Variants in MED13L observed in about 807,000 individuals in gnomAD.
MED13L encodes mediator of RNA polymerase II transcription subunit 13-like.
MED13L carries 7 observed loss-of-function variants against 220.9 expected under a neutral mutation model. That is an observed-to-expected ratio of 0.03 (90% CI 0.02 to 0.06). The LOEUF is 0.06. MED13L is among the 10% of genes least tolerant of loss of function. The probability of loss-of-function intolerance (pLI) is 1.00; values close to 1 mark genes in which losing one functional copy is unlikely to be tolerated. For missense variants in MED13L, 1,965 were observed against 2,760.5 expected, an observed-to-expected ratio of 0.71 and a Z score of 6.46; for synonymous variants, 1,011 against 1,015.2, an observed-to-expected ratio of 1.00 and a Z score of 0.08.
chr12:115,994,917 A>G (rs914445380), intron 16 of MED13L, among the ~76,000 whole-genome samples: 3 of 152,208 alleles, frequency 2.0e-5, no homozygotes, highest in Non-Finnish European at 4.4e-5. Context: ...AGCATTGTGG[A>G]AGTCCTGTGC....
Position 115,982,424 on chromosome 12 carries a change from T to G in MED13L, c.5135A>C (p.Asp1712Ala). 6.2e-7 allele frequency: 1 copy of G among 1,614,048 alleles called. No individual in the cohort carries two copies. Among genetic ancestry groups the G allele is most frequent in the East Asian group, 2.2e-5 (1 of 44,896 alleles). Residue 1712 changes from aspartate to alanine, a missense_variant, in exon 22 of 31, where the codon GAT becomes GCT. By Grantham distance (126) the Asp-to-Ala change is moderately radical. Around this residue, in one of 10 missense-constraint regions of MED13L, gnomAD observed 510 missense variants for 620.4 expected, o/e 0.82. Coordinates refer to ENST00000281928, the MANE Select transcript of MED13L (RefSeq NM_015335.5). The stretch of plus-strand genomic sequence containing the variant: ...ATTTCTCATATGCTCAGGTAAATTA[T>G]CCAGCATTTCTGTGTAGCAGCGCAT... ...SLMRCYTEML[D>A]NLPEHMRNSF...
intron 1 of MED13L, among the ~76,000 whole-genome samples, chr12:116,249,889 G>A (rs986132147): frequency 6.6e-6 from 1 of 150,898 alleles, no homozygotes; most frequent in Admixed American, 6.6e-5. Flanking sequence ...TAACATACAC[G>A]CCATTAACGT....
intron 2 of MED13L, among the ~76,000 whole-genome samples, chr12:116,189,681 T>C (rs553353966): frequency 3.3e-5 from 5 of 152,294 alleles, no homozygotes; most frequent in South Asian, 2.1e-4. Context: ...TCAGGAGACA[T>C]TGTTTGGACT....
intron 2 of MED13L, among the ~76,000 whole-genome samples, chr12:116,140,582 G>A (rs188393002): frequency 5.9e-5 from 9 of 152,244 alleles, no homozygotes; most frequent in Admixed American, 3.9e-4. Flanking sequence ...AGCAGCTACC[G>A]GGAAAGGAAC....
At chr12:116,229,015 G>C (rs915179332) in intron 2 of MED13L, among the ~76,000 whole-genome samples, 1 of 151,678 alleles carries the variant, frequency 6.6e-6, no homozygotes. Flanking sequence ...GGGCTCAAGC[G>C]ATCCTCCCTC....
intron 2 of MED13L, among the ~76,000 whole-genome samples, chr12:116,232,861 C>A (rs558519075): frequency 6.6e-6 from 1 of 152,110 alleles, no homozygotes; most frequent in East Asian, 1.9e-4. Flanking sequence ...CCGAGGCGGG[C>A]GGATCGATTG....
intron 1 of MED13L, among the ~76,000 whole-genome samples, chr12:116,253,387 T>C (rs187881101): frequency 1.6e-4 from 23 of 147,872 alleles, no homozygotes; most frequent in African/African-American, 5.3e-4. Context: ...AAGGAAAAAA[T>C]ATCACTAGTC....
chr12:116,023,357 G>A (rs930898432), intron 4 of MED13L, among the ~76,000 whole-genome samples: 3 of 152,126 alleles, frequency 2.0e-5, no homozygotes, highest in African/African-American at 7.2e-5. Flanking sequence ...TTTCAAAATT[G>A]TAACTTTGGC....
chr12:116,006,018 C>CTA, intron 12 of MED13L, 25 bp from the exon 13 acceptor site: 1 of 1,613,498 alleles, frequency 6.2e-7, no homozygotes, highest in East Asian at 2.2e-5. Flanking sequence ...GCAAAAGACA[C>CTA]AGAATAAACA....
At chr12:116,132,563 C>T (rs1876162934) in intron 2 of MED13L, among the ~76,000 whole-genome samples, 1 of 151,972 alleles carries the variant, frequency 6.6e-6, no homozygotes, top group African/African-American at 2.4e-5. Context: ...CTCTTTTCTA[C>T]TTGCTTTTTT....
chr12:116,158,411 A>G (rs1878604336), intron 2 of MED13L, among the ~76,000 whole-genome samples: 1 of 152,174 alleles, frequency 6.6e-6, no homozygotes, highest in African/African-American at 2.4e-5. Flanking sequence ...TCAGAAATCC[A>G]ACTATTTAAA....
intron 2 of MED13L, among the ~76,000 whole-genome samples, chr12:116,112,698 C>G (rs1183646522): frequency 2.0e-5 from 3 of 152,164 alleles, no homozygotes; most frequent in African/African-American, 7.2e-5. Context: ...AACAGAAAAA[C>G]ATTCCTGCTA....
chr12:116,121,593 T>A (rs564628085), intron 2 of MED13L, among the ~76,000 whole-genome samples: 1 of 152,164 alleles, frequency 6.6e-6, no homozygotes, highest in Non-Finnish European at 1.5e-5. Context: ...TTCAAGCTCA[T>A]GCTTTTAGAA....
rs1410410732 is a variant in MED13L at position 115,959,151 on chromosome 12, G to T, written c.*2115C>A. 6.6e-6 allele frequency: 1 copy of T among 152,474 alleles called. No homozygotes were observed. The highest frequency in any genetic ancestry group is 1.5e-5 in the Non-Finnish European group (1 of 68,006). 9.4% of individuals were successfully genotyped at this position (152,474 alleles called of 1,614,324 possible). A position where few individuals can be genotyped will look rare whatever the true frequency, so the allele number is the denominator to read the frequency against. On this transcript the variant is annotated 3_prime_UTR_variant, in exon 31 of 31. Transcript: ENST00000281928. ...TTTTTCACACAGAAGTACATAATAA[G>T]ATTTTTTAAAATCTATTGCCATTCA... is the stretch of plus-strand genomic sequence containing the variant.
At chr12:116,206,621 CT>C (rs911708742) in intron 2 of MED13L, among the ~76,000 whole-genome samples, 8 of 150,438 alleles carry the variant, frequency 5.3e-5, no homozygotes, top group African/African-American at 1.5e-4. Context: ...AGCAAGTAGC[CT>C]TTTTTTTTCA....
chr12:115,962,742 AAC>A (rs1468665365), intron 30 of MED13L: 3 of 155,372 alleles, frequency 1.9e-5, no homozygotes, highest in African/African-American at 7.2e-5. Context: ...TTTTTAAAAA[AAC>A]ACATAATCGG....
chr12:115,983,160 G>C lies in MED13L; in HGVS notation c.4912C>G (p.Pro1638Ala). The C allele has an allele frequency of 6.2e-7, 1 of 1,614,026 alleles. No individual in the cohort carries two copies. Among genetic ancestry groups the C allele is most frequent in the East Asian group, 2.2e-5 (1 of 44,874 alleles). The change falls in exon 21 of 31, where the codon CCT becomes GCT. Residue 1638 changes from proline (P) to alanine (A), a missense_variant. Around this residue, in one of 10 missense-constraint regions of MED13L, gnomAD observed 510 missense variants for 620.4 expected, o/e 0.82. Coordinates refer to ENST00000281928, the MANE Select transcript of MED13L (RefSeq NM_015335.5). ...GNIGCGGDTD[P>A]GQSSSQPSQD... The stretch of plus-strand genomic sequence containing the variant: ...GAGGGCTGAGAAGAGCTCTGCCCAG[G>C]GTCAGTGTCTCCACCACAGCCTATG...
chr12:116,228,112 CTT>C (rs1473548299), intron 2 of MED13L, among the ~76,000 whole-genome samples: 2 of 152,106 alleles, frequency 1.3e-5, no homozygotes, highest in African/African-American at 4.8e-5. Context: ...CACAAACTCT[CTT>C]CAATTCTACC....
At chr12:116,018,253 A>G (rs1339490628) in intron 7 of MED13L, among the ~76,000 whole-genome samples, 1 of 152,228 alleles carries the variant, frequency 6.6e-6, no homozygotes, top group Non-Finnish European at 1.5e-5. Flanking sequence ...CAGGTTTTAC[A>G]ACGAGGTGCG....
Sources: allele counts gnomAD v4.1 joint callset (sites outside exome capture counted in the v4.1 genomes callset), GRCh38; gene constraint gnomAD v4.1.1; regional missense constraint gnomAD v4.1.1; transcripts MANE v1.5; gene names NCBI Gene and HGNC (gene_info 2026-07-23, HGNC 2026-07-21).